Variants in PRKAR2A observed in about 807,000 individuals in gnomAD.
PRKAR2A encodes the protein protein kinase cAMP-dependent type II regulatory subunit alpha.
PRKAR2A carries 29 observed loss-of-function variants against 51.9 expected under a neutral mutation model. The ratio of observed to expected loss-of-function variants is 0.56; its 90% CI spans 0.42 to 0.76. The LOEUF (loss-of-function observed/expected upper bound fraction) is 0.76. Among genes scored for constraint, PRKAR2A ranks in the 30% least tolerant of loss-of-function variants. The probability of loss-of-function intolerance (pLI) is 0.00; values close to 1 mark genes in which losing one functional copy is unlikely to be tolerated. For missense variants in PRKAR2A, 445 were observed against 512.1 expected, an observed-to-expected ratio of 0.87 and a Z score of 1.26; for synonymous variants, 178 against 186.2, an observed-to-expected ratio of 0.96 and a Z score of 0.36.
intron 6 of PRKAR2A, among the ~76,000 whole-genome samples, chr3:48,770,986 GA>G (rs2082020877): frequency 6.6e-6 from 1 of 152,186 alleles, no homozygotes; most frequent in Non-Finnish European, 1.5e-5. Context: ...AGCACTTTGG[GA>G]GGCCGAGGTG....
At chr3:48,806,661 T>C (rs1201765871) in intron 2 of PRKAR2A, among the ~76,000 whole-genome samples, 1 of 151,968 alleles carries the variant, frequency 6.6e-6, no homozygotes, top group African/African-American at 2.4e-5. Flanking sequence ...GGATAGAAAG[T>C]TTACCCAAAC....
At position 48,829,680 on chromosome 3, in the gene PRKAR2A, G is replaced by A. The variant is rs554187929; in HGVS notation, c.262+17655C>T. Among the ~76,000 whole-genome samples the A allele has an allele frequency of 3.1e-4, 39 of 125,840 alleles. 4 individuals carry two copies. Among genetic ancestry groups the A allele is most frequent in the African/African-American group, 1.2e-3 (37 of 30,918 alleles). 82.6% of individuals were successfully genotyped at this position (125,840 alleles called of 152,430 possible). A position where few individuals can be genotyped will look rare whatever the true frequency, so the allele number is the denominator to read the frequency against. On this transcript the variant is annotated intron_variant, in intron 1 of 10. Transcript: ENST00000265563. Reference sequence around the variant, plus strand: ...TACGTGTGTATACACACACATAAATGTGTGTGTGTATACGTGTGTATATAT... The same window carrying A: ...TACGTGTGTATACACACACATAAATATGTGTGTGTATACGTGTGTATATAT...
intron 5 of PRKAR2A, among the ~76,000 whole-genome samples, chr3:48,775,118 T>C (rs1481045431): frequency 6.6e-6 from 1 of 152,132 alleles, no homozygotes; most frequent in East Asian, 1.9e-4. Context: ...GCATGGGTTT[T>C]CTTTCATAGT....
downstream of PRKAR2A, among the ~76,000 whole-genome samples, chr3:48,746,163 C>T (rs1401621900): frequency 1.3e-5 from 2 of 151,888 alleles, no homozygotes; most frequent in African/African-American, 4.8e-5. Context: ...AGCCAATTCA[C>T]CCTGCAGATC....
intron 1 of PRKAR2A, among the ~76,000 whole-genome samples, chr3:48,840,742 T>C (rs1196975036): frequency 7.4e-6 from 1 of 134,604 alleles, no homozygotes; most frequent in African/African-American, 2.8e-5. Flanking sequence ...ACGCCCGGCT[T>C]ATATTTTGTA....
chr3:48,787,712 G>A (rs1046153321), intron 4 of PRKAR2A, among the ~76,000 whole-genome samples: 2 of 152,130 alleles, frequency 1.3e-5, no homozygotes, highest in African/African-American at 2.4e-5. Flanking sequence ...TGAGCTCATG[G>A]TCCTTGTCTC....
intron 7 of PRKAR2A, 38 bp downstream of exon 7, chr3:48,765,210 T>A: frequency 6.4e-7 from 1 of 1,567,654 alleles, no homozygotes; most frequent in Non-Finnish European, 8.8e-7. Flanking sequence ...AAGCTTTTCC[T>A]GATCCCCATG....
rs531054876 is a variant in PRKAR2A at position 48,757,374 on chromosome 3, C to T, written c.874-930G>A. On this transcript the variant is annotated intron_variant, in intron 8 of 10. Transcript: ENST00000265563. ...CCTAGATCAAAATAGAAAATATATC[C>T]GTTCTTCAAAAGGCTCCCTCCGGAG... 1.7e-4 allele frequency among the ~76,000 whole-genome samples: 26 copies of T among 152,190 alleles called. No individual in the cohort carries two copies. The South Asian group carries it at 4.1e-3, about 24-fold the overall frequency.
intron 1 of PRKAR2A, among the ~76,000 whole-genome samples, chr3:48,829,573 A>ATGTGTGTATACACACAC (rs2083133328): frequency 2.2e-5 from 1 of 45,414 alleles, no homozygotes. Flanking sequence ...TACACACATA[A>ATGTGTGTATACACACAC]ATATATATGT....
At position 48,780,589 on chromosome 3, in the gene PRKAR2A, C is replaced by A. The variant is rs575487321; in HGVS notation, c.542+2397G>T. 3.2e-5 allele frequency among the ~76,000 whole-genome samples: 4 copies of A among 125,524 alleles called. No individual in the cohort carries two copies. In the South Asian group the frequency reaches 7.5e-4, roughly 24 times the overall value. The allele number at this position is 125,524 out of a possible 152,430, so 82.3% of individuals were successfully genotyped here. A position where few individuals can be genotyped will look rare whatever the true frequency, so the allele number is the denominator to read the frequency against. The stretch of plus-strand genomic sequence containing the variant: ...CTGCACTCCAGCCTGAGCGACAGAG[C>A]AAGACTCCGTCTCAAAAAAAAAAAA... On this transcript the variant is annotated intron_variant, in intron 5 of 10. Transcript: ENST00000265563.
At chr3:48,836,419 T>TAAAAAAAAAAAA (rs548970318) in intron 1 of PRKAR2A, among the ~76,000 whole-genome samples, 14 of 56,092 alleles carry the variant, frequency 2.5e-4, no homozygotes, top group African/African-American at 7.2e-4. Flanking sequence ...AGACTCCGTC[T>TAAAAAAAAAAAA]AAAAAAAAAA....
chr3:48,747,074 T>C lies in PRKAR2A; in HGVS notation c.*4511A>G, dbSNP rs1269614572. On this transcript the variant is annotated 3_prime_UTR_variant, in exon 11 of 11. Coordinates refer to ENST00000265563, the MANE Select transcript of PRKAR2A (RefSeq NM_004157.4). ...TTTTTTTTTTTTTTTTTTTAAAGTA[T>C]AAAGATAGCCCTGCAGTGTGTAAAA... The C allele has an allele frequency of 1.7e-5, 2 of 116,422 alleles. No individual in the cohort carries two copies. Among genetic ancestry groups the C allele is most frequent in the East Asian group, 5.4e-4 (2 of 3,718 alleles). The allele number at this position is 116,422 out of a possible 1,614,324, so 7.2% of individuals were successfully genotyped here. A position where few individuals can be genotyped will look rare whatever the true frequency, so the allele number is the denominator to read the frequency against.
At chr3:48,839,213 G>A (rs1370057415) in intron 1 of PRKAR2A, among the ~76,000 whole-genome samples, 12 of 151,944 alleles carry the variant, frequency 7.9e-5, no homozygotes, top group Non-Finnish European at 1.6e-4. Context: ...GCTTCAACCC[G>A]GGAGGCAGAG....
intron 8 of PRKAR2A, among the ~76,000 whole-genome samples, chr3:48,764,617 A>C (rs2081910281): frequency 6.6e-6 from 1 of 152,018 alleles, no homozygotes. Context: ...CAGTGGGAGA[A>C]CATAGAAGGT....
intron 1 of PRKAR2A, among the ~76,000 whole-genome samples, chr3:48,831,935 C>G (rs1202816156): frequency 6.6e-6 from 1 of 152,070 alleles, no homozygotes; most frequent in African/African-American, 2.4e-5. Context: ...AATCTTCATC[C>G]GAATTTCTAC....
chr3:48,746,336 T>C (rs949595072), downstream of PRKAR2A, among the ~76,000 whole-genome samples: 3 of 112,224 alleles, frequency 2.7e-5, no homozygotes, highest in Non-Finnish European at 5.1e-5. Flanking sequence ...CTGGACAACA[T>C]AGTGAGATCC....
intron 5 of PRKAR2A, 56 bp downstream of exon 5, chr3:48,782,930 C>T: frequency 8.0e-7 from 1 of 1,252,810 alleles, no homozygotes; most frequent in South Asian, 1.2e-5. Context: ...AGCATCTGCC[C>T]TGAGTCATGA....
Position 48,831,894 on chromosome 3 carries a change from G to A in PRKAR2A, c.262+15441C>T, listed in dbSNP as rs142762859. On this transcript the variant is annotated intron_variant, in intron 1 of 10. Coordinates refer to ENST00000265563, the MANE Select transcript of PRKAR2A (RefSeq NM_004157.4). ...CAGTCTTCCAAAGTGCTGGGATTAC[G>A]GGTGTGAGCCACCACAACTGGCCTC... 7.9e-3 allele frequency among the ~76,000 whole-genome samples: 1,203 copies of A among 152,078 alleles called. 11 individuals carry two copies. Among genetic ancestry groups the A allele is most frequent in the African/African-American group, 0.027 (1,132 of 41,506 alleles).
chr3:48,760,726 T>G (rs1180600250), intron 8 of PRKAR2A, among the ~76,000 whole-genome samples: 1 of 149,098 alleles, frequency 6.7e-6, no homozygotes, highest in Non-Finnish European at 1.5e-5. Context: ...TCCCAGCTAC[T>G]CAGGAAGCTG....
Sources: allele counts gnomAD v4.1 joint callset (sites outside exome capture counted in the v4.1 genomes callset), GRCh38; gene constraint gnomAD v4.1.1; transcripts MANE v1.5; gene names NCBI Gene and HGNC (gene_info 2026-07-23, HGNC 2026-07-21).